Variants in BCL2 observed in about 807,000 individuals in gnomAD.
The protein encoded by BCL2 is BCL2 apoptosis regulator.
BCL2 carries 1 observed loss-of-function variant against 14.2 expected under a neutral mutation model. That is an observed-to-expected ratio of 0.07 (90% confidence interval 0.02 to 0.33). BCL2 has a LOEUF of 0.33. Ranked by LOEUF, BCL2 falls within the 10% of genes least tolerant of loss-of-function variation. The probability of loss-of-function intolerance (pLI) is 0.99; values close to 1 mark genes in which losing one functional copy is unlikely to be tolerated. For synonymous variants in BCL2, 151 were observed against 137.2 expected, an observed-to-expected ratio of 1.10 and a Z score of -0.70; for missense variants, 247 against 305.9, an observed-to-expected ratio of 0.81 and a Z score of 1.44.
intron 2 of BCL2, among the ~76,000 whole-genome samples, chr18:63,282,790 G>GAT (rs979390291): frequency 5.9e-5 from 9 of 151,952 alleles, no homozygotes; most frequent in Non-Finnish European, 1.2e-4. Flanking sequence ...AATATATATA[G>GAT]ATATATATAT....
chr18:63,307,111 C>T (rs1372138573), intron 2 of BCL2, among the ~76,000 whole-genome samples: 1 of 152,060 alleles, frequency 6.6e-6, no homozygotes, highest in African/African-American at 2.4e-5. Context: ...AAACAATTAC[C>T]CACTTAAAAA....
Position 63,128,511 on chromosome 18 carries a change from A to AT in BCL2, c.*113dup. On this transcript the variant is annotated 3_prime_UTR_variant, in exon 3 of 3. Transcript: ENST00000333681. ...TGTGTGTGATGTTTATATGTGTGTT[A>AT]TTTTTTCTTAAACAGCCTGCAGCTT... 4.5e-6 allele frequency: 3 copies of AT among 661,046 alleles called. No individual in the cohort carries two copies. In the South Asian group the frequency reaches 5.6e-5, roughly 12 times the overall value. 40.9% of individuals were successfully genotyped at this position (661,046 alleles called of 1,614,324 possible).
intron 2 of BCL2, among the ~76,000 whole-genome samples, chr18:63,225,134 T>C (rs1276197788): frequency 2.0e-5 from 3 of 152,076 alleles, no homozygotes; most frequent in Admixed American, 2.0e-4. Context: ...GAAAAGTCTG[T>C]ACCAGGTACA....
chr18:63,153,198 C>G (rs1914692472), intron 2 of BCL2, among the ~76,000 whole-genome samples: 1 of 152,182 alleles, frequency 6.6e-6, no homozygotes, highest in Non-Finnish European at 1.5e-5. Context: ...TTAAATCTAA[C>G]TCATGTTAGA....
chr18:63,303,595 G>A (rs1297246963), intron 2 of BCL2, among the ~76,000 whole-genome samples: 1 of 152,158 alleles, frequency 6.6e-6, no homozygotes, highest in Admixed American at 6.5e-5. Context: ...AATAAAGGAT[G>A]CTGGTTTTGC....
At position 63,124,983 on chromosome 18, in the gene BCL2, G is replaced by A. The variant is rs1237801474; in HGVS notation, c.*3642C>T. 4.5e-6 allele frequency: 1 copy of A among 221,606 alleles called. No homozygotes were observed. The highest frequency in any genetic ancestry group is 9.0e-6 in the Non-Finnish European group (1 of 110,598). The allele number at this position is 221,606 out of a possible 1,614,324, so 13.7% of individuals were successfully genotyped here. ...TCACATTTATAAACTATTTGTTTTA[G>A]GATAAGTTCAATTACAAATAGAGAC... On this transcript the variant is annotated 3_prime_UTR_variant, in exon 3 of 3. Coordinates refer to ENST00000333681, the MANE Select transcript of BCL2 (RefSeq NM_000633.3).
At position 63,124,213 on chromosome 18, in the gene BCL2, T is replaced by C; in HGVS notation, c.*4412A>G. 4.5e-6 allele frequency: 1 copy of C among 222,142 alleles called. No individual in the cohort carries two copies. Among genetic ancestry groups the C allele is most frequent in the Non-Finnish European group, 9.0e-6 (1 of 111,052 alleles). 13.8% of individuals were successfully genotyped at this position (222,142 alleles called of 1,614,324 possible). On this transcript the variant is annotated 3_prime_UTR_variant, in exon 3 of 3. Coordinates refer to ENST00000333681, the MANE Select transcript of BCL2 (RefSeq NM_000633.3). The stretch of plus-strand genomic sequence containing the variant: ...TATCACTCTCCAATTCAGTTTCACA[T>C]TGCTTAATTTTATAAAATTTTTTTC...
rs561877689 is a variant in BCL2 at position 63,131,062 on chromosome 18, C to T, written c.586-2303G>A. ...ACTGGTATCTAGTGGGCAGAGGCCG[C>T]GGATGCTGTTCAACATCCCACAATG... On this transcript the variant is annotated intron_variant, in intron 2 of 2. Transcript: ENST00000333681. 2.6e-5 allele frequency among the ~76,000 whole-genome samples: 4 copies of T among 152,184 alleles called. No individual in the cohort carries two copies. The South Asian group carries it at 6.2e-4, about 24-fold the overall frequency.
intron 2 of BCL2, among the ~76,000 whole-genome samples, chr18:63,257,712 T>G (rs566580329): frequency 1.3e-5 from 2 of 152,312 alleles, no homozygotes; most frequent in African/African-American, 4.8e-5. Context: ...ATGCTTTCAT[T>G]TTTTAAATGA....
At chr18:63,289,800 A>C (rs1912594798) in intron 2 of BCL2, among the ~76,000 whole-genome samples, 1 of 152,150 alleles carries the variant, frequency 6.6e-6, no homozygotes, top group Non-Finnish European at 1.5e-5. Flanking sequence ...AGGCTGAGGC[A>C]GGAGAATCAC....
intron 2 of BCL2, among the ~76,000 whole-genome samples, chr18:63,245,157 C>A (rs1423858701): frequency 1.3e-5 from 2 of 152,144 alleles, no homozygotes; most frequent in African/African-American, 2.4e-5. Context: ...ATTATTAATC[C>A]CCCAAGTTGT....
chr18:63,275,282 T>C (rs2144245964), intron 2 of BCL2, among the ~76,000 whole-genome samples: 1 of 152,020 alleles, frequency 6.6e-6, no homozygotes, highest in East Asian at 1.9e-4. Context: ...TTATGTAACT[T>C]GAAGACCAGT....
intron 2 of BCL2, among the ~76,000 whole-genome samples, chr18:63,159,926 G>A (rs1345884422): frequency 1.3e-5 from 2 of 152,132 alleles, no homozygotes; most frequent in African/African-American, 4.8e-5. Context: ...CATTTACATC[G>A]TGTCCACTTT....
At chr18:63,249,615 C>G (rs760478867) in intron 2 of BCL2, among the ~76,000 whole-genome samples, 1 of 147,000 alleles carries the variant, frequency 6.8e-6, no homozygotes, top group Non-Finnish European at 1.5e-5. Flanking sequence ...GAGGCTGAGG[C>G]AGGAGAATCG....
rs1042325506 is a variant in BCL2, at chr18:63,125,374, T to C, written c.*3251A>G. The C allele has an allele frequency of 2.2e-5, 5 of 223,760 alleles. No homozygotes were observed. The highest frequency in any genetic ancestry group is 1.9e-4 in the East Asian group (3 of 15,662). The allele number at this position is 223,760 out of a possible 1,614,324, so 13.9% of individuals were successfully genotyped here. A position where few individuals can be genotyped will look rare whatever the true frequency, so the allele number is the denominator to read the frequency against. Reference sequence around the variant, plus strand: ...ATCTTCGGAGACGACCCGATGGCCATAGACCCTGTCAGCTGTCATTCTGGC... The same window carrying C: ...ATCTTCGGAGACGACCCGATGGCCACAGACCCTGTCAGCTGTCATTCTGGC... On this transcript the variant is annotated 3_prime_UTR_variant, in exon 3 of 3. Coordinates refer to ENST00000333681, the MANE Select transcript of BCL2 (RefSeq NM_000633.3).
At chr18:63,265,056 G>T in intron 2 of BCL2, among the ~76,000 whole-genome samples, 1 of 152,194 alleles carries the variant, frequency 6.6e-6, no homozygotes, top group Non-Finnish European at 1.5e-5. Context: ...AAGTGGAGAA[G>T]CACCTGTGGC....
intron 2 of BCL2, among the ~76,000 whole-genome samples, chr18:63,148,780 G>A (rs17756248): frequency 0.21 from 32,182 of 151,986 alleles, 3,932 homozygotes; most frequent in Non-Finnish European, 0.28. Context: ...CACATGGCAC[G>A]CTGTTGTTGA....
intron 2 of BCL2, among the ~76,000 whole-genome samples, chr18:63,232,969 G>C (rs1270766049): frequency 2.6e-5 from 4 of 152,194 alleles, no homozygotes; most frequent in Admixed American, 1.3e-4. Flanking sequence ...GGTGACTTAT[G>C]TAACATTTAT....
intron 2 of BCL2, among the ~76,000 whole-genome samples, chr18:63,165,926 C>A (rs1002457058): frequency 6.6e-6 from 1 of 152,222 alleles, no homozygotes; most frequent in Admixed American, 6.5e-5. Context: ...AAATCACATG[C>A]CCCAAATGGG....
Sources: allele counts gnomAD v4.1 joint callset (sites outside exome capture counted in the v4.1 genomes callset), GRCh38; gene constraint gnomAD v4.1.1; transcripts MANE v1.5; gene names NCBI Gene and HGNC (gene_info 2026-07-23, HGNC 2026-07-21).